The following TRAPPC9 variants were observed in gnomAD, a reference collection of about 807,000 sequenced individuals.
TRAPPC9 encodes trafficking protein particle complex subunit 9.
TRAPPC9 carries 83 observed loss-of-function variants against 124.0 expected under a neutral mutation model. The ratio of observed to expected loss-of-function variants is 0.67; its 90% confidence interval spans 0.56 to 0.80. The LOEUF is 0.80. Among genes scored for constraint, TRAPPC9 ranks in the 30% least tolerant of loss-of-function variants. The pLI is 0.00. For missense variants in TRAPPC9, 1,302 were observed against 1,508.3 expected, an observed-to-expected ratio of 0.86 and a Z score of 2.27; for synonymous variants, 638 against 617.5, an observed-to-expected ratio of 1.03 and a Z score of -0.49.
chr8:140,102,473 CCA>C (rs60084618), intron 17 of TRAPPC9, among the ~76,000 whole-genome samples: 66 of 148,594 alleles, frequency 4.4e-4, no homozygotes, highest in Middle Eastern at 3.4e-3. Context: ...CCTCCCCCCA[CCA>C]CACACACACA....
chr8:140,180,121 C>T (rs1219316038), intron 17 of TRAPPC9, among the ~76,000 whole-genome samples: 4 of 150,752 alleles, frequency 2.7e-5, no homozygotes, highest in South Asian at 2.1e-4. Context: ...CTATTTCTCC[C>T]GTCTCTTTTT....
intron 17 of TRAPPC9, among the ~76,000 whole-genome samples, chr8:140,160,624 A>G (rs1282396200): frequency 1.3e-5 from 2 of 148,312 alleles, no homozygotes; most frequent in Non-Finnish European, 3.0e-5. Flanking sequence ...GAAGGGGAAC[A>G]TCACACACCA....
intron 8 of TRAPPC9, among the ~76,000 whole-genome samples, chr8:140,360,740 C>T (rs1343121121): frequency 6.6e-6 from 1 of 152,156 alleles, no homozygotes; most frequent in Non-Finnish European, 1.5e-5. Context: ...TGAAAAGTAT[C>T]TCTTTTTTTA....
intron 21 of TRAPPC9, among the ~76,000 whole-genome samples, chr8:139,795,680 C>T (rs1426896100): frequency 6.6e-6 from 1 of 152,124 alleles, no homozygotes; most frequent in Non-Finnish European, 1.5e-5. Context: ...AATCCGCAAA[C>T]TAACCTGAAA....
chr8:140,224,580 C>A (rs2063404683), intron 16 of TRAPPC9, among the ~76,000 whole-genome samples: 1 of 152,170 alleles, frequency 6.6e-6, no homozygotes, highest in South Asian at 2.1e-4. Flanking sequence ...ATAAAGCAGC[C>A]CTCACTGGGC....
In TRAPPC9 at chr8:140,253,101, G is replaced by A. The variant is rs1328595122; in HGVS notation, c.2279-172C>T. Among the ~76,000 whole-genome samples the A allele has an allele frequency of 2.0e-5, 3 of 148,258 alleles. No individual in the cohort carries two copies. In the East Asian group the frequency reaches 5.8e-4, roughly 29 times the overall value. On this transcript the variant is annotated intron_variant, in intron 15 of 22. Coordinates refer to ENST00000438773, the MANE Select transcript of TRAPPC9 (RefSeq NM_001160372.4). ...TTCCAGAACCAAGAAGTGTTGCAAG[G>A]CAATCACCCCTGTTTATGAAGGAGG...
intron 9 of TRAPPC9, among the ~76,000 whole-genome samples, chr8:140,355,012 G>C (rs2067696522): frequency 6.6e-6 from 1 of 152,204 alleles, no homozygotes; most frequent in East Asian, 1.9e-4. Context: ...ACAGTATCAA[G>C]TGTCCCAAGT....
intron 21 of TRAPPC9, among the ~76,000 whole-genome samples, chr8:139,744,011 G>C (rs1046535044): frequency 1.3e-5 from 2 of 152,182 alleles, no homozygotes; most frequent in African/African-American, 4.8e-5. Context: ...TGCCACACAA[G>C]TGCACTCACA....
intron 21 of TRAPPC9, among the ~76,000 whole-genome samples, chr8:139,744,146 G>A (rs1194055702): frequency 6.6e-6 from 1 of 152,196 alleles, no homozygotes; most frequent in Non-Finnish European, 1.5e-5. Context: ...ATGCCAATAT[G>A]GTTTCCCTTG....
intron 17 of TRAPPC9, among the ~76,000 whole-genome samples, chr8:140,130,900 A>C (rs768925524): frequency 5.9e-5 from 9 of 152,230 alleles, no homozygotes; most frequent in Non-Finnish European, 1.3e-4. Context: ...TGTTCAGTGT[A>C]AAACATTTAG....
chr8:140,200,493 C>T (rs1246654688), intron 17 of TRAPPC9, among the ~76,000 whole-genome samples: 1 of 152,080 alleles, frequency 6.6e-6, no homozygotes, highest in African/African-American at 2.4e-5. Context: ...AAACACGACC[C>T]CGGCCAGGCG....
Position 140,245,545 on chromosome 8 carries a change from C to T in TRAPPC9, c.2431+7232G>A, listed in dbSNP as rs1018968129. 1.9e-4 allele frequency among the ~76,000 whole-genome samples: 29 copies of T among 151,778 alleles called. 1 individual carries two copies. Among genetic ancestry groups the T allele is most frequent in the African/African-American group, 6.3e-4 (26 of 41,284 alleles). On this transcript the variant is annotated intron_variant, in intron 16 of 22. Transcript: ENST00000438773. ...ACCACTTTAACCATTTTTAAATGTA[C>T]GGGGTCAGCAGCATTAAGCACATTC...
At chr8:139,898,506 C>A (rs1830808164) in intron 20 of TRAPPC9, among the ~76,000 whole-genome samples, 1 of 152,214 alleles carries the variant, frequency 6.6e-6, no homozygotes, top group African/African-American at 2.4e-5. Flanking sequence ...CGAATGTCCA[C>A]CCACACAAGC....
intron 21 of TRAPPC9, among the ~76,000 whole-genome samples, chr8:139,808,538 A>G (rs1275584352): frequency 6.6e-6 from 1 of 152,210 alleles, no homozygotes; most frequent in Non-Finnish European, 1.5e-5. Context: ...GAATATTTCT[A>G]TCTCCCTTCA....
intron 5 of TRAPPC9, among the ~76,000 whole-genome samples, chr8:140,418,047 A>G (rs932870464): frequency 1.3e-5 from 2 of 152,130 alleles, no homozygotes; most frequent in Non-Finnish European, 2.9e-5. Flanking sequence ...AACATCACAC[A>G]CCAGGGCCTG....
intron 20 of TRAPPC9, among the ~76,000 whole-genome samples, chr8:139,908,366 C>T (rs889462522): frequency 1.3e-5 from 2 of 152,140 alleles, no homozygotes; most frequent in Non-Finnish European, 2.9e-5. Context: ...TCTCTGAGAC[C>T]CGAGTAAGAG....
intron 17 of TRAPPC9, among the ~76,000 whole-genome samples, chr8:140,149,117 T>C (rs1029409404): frequency 6.6e-6 from 1 of 152,098 alleles, no homozygotes; most frequent in East Asian, 1.9e-4. Flanking sequence ...GCTTTCCAGG[T>C]GGCAGGACAA....
chr8:140,448,389 T>C (rs1348953348), intron 2 of TRAPPC9, among the ~76,000 whole-genome samples: 3 of 152,180 alleles, frequency 2.0e-5, no homozygotes, highest in Non-Finnish European at 4.4e-5. Flanking sequence ...CAAACACTTG[T>C]CAGTCCTTAT....
At chr8:140,053,677 C>T (rs1842128945) in intron 17 of TRAPPC9, among the ~76,000 whole-genome samples, 1 of 152,144 alleles carries the variant, frequency 6.6e-6, no homozygotes, top group African/African-American at 2.4e-5. Flanking sequence ...TCTCCTGTTA[C>T]TGTGTTGCTG....
Sources: allele counts gnomAD v4.1 joint callset (sites outside exome capture counted in the v4.1 genomes callset), GRCh38; gene constraint gnomAD v4.1.1; transcripts MANE v1.5; gene names NCBI Gene and HGNC (gene_info 2026-07-23, HGNC 2026-07-21).